The following DIAPH3 variants were observed in gnomAD, a reference collection of about 807,000 sequenced individuals.
DIAPH3 encodes diaphanous related formin 3.
Under a neutral mutation model 144.3 loss-of-function variants are expected in DIAPH3, and 117 were observed. The ratio of observed to expected loss-of-function variants is 0.81; its 90% CI spans 0.70 to 0.95. DIAPH3 has a LOEUF of 0.95. Among genes scored for constraint, DIAPH3 ranks in the 40% least tolerant of loss-of-function variants. The pLI is 0.00. For missense variants in DIAPH3, 1,421 were observed against 1,412.7 expected (o/e 1.01, Z -0.09); for synonymous variants, 519 against 488.9 (o/e 1.06, Z -0.81).
chr13:60,082,950 C>T (rs1251637559), intron 4 of DIAPH3, among the ~76,000 whole-genome samples: 2 of 152,090 alleles, frequency 1.3e-5, no homozygotes, highest in African/African-American at 2.4e-5. Flanking sequence ...CACATCCACA[C>T]ACGCTTTTTT....
chr13:59,921,370 T>C (rs1049397817), intron 18 of DIAPH3, among the ~76,000 whole-genome samples: 13 of 149,284 alleles, frequency 8.7e-5, no homozygotes, highest in African/African-American at 2.9e-4. Context: ...CTCAAATAAA[T>C]ATAGTCATAA....
intron 9 of DIAPH3, among the ~76,000 whole-genome samples, chr13:60,001,902 T>C (rs2052549017): frequency 6.6e-6 from 1 of 152,102 alleles, no homozygotes; most frequent in South Asian, 2.1e-4. Context: ...CAATGGGAAG[T>C]GGTAAAAAAT....
chr13:59,878,221 A>G (rs1398633404), intron 21 of DIAPH3, among the ~76,000 whole-genome samples: 1 of 152,154 alleles, frequency 6.6e-6, no homozygotes, highest in Non-Finnish European at 1.5e-5. Context: ...TGCATCGCCC[A>G]TGCTAGGGAT....
At chr13:60,097,291 G>A (rs573309050) in intron 3 of DIAPH3, among the ~76,000 whole-genome samples, 5 of 152,288 alleles carry the variant, frequency 3.3e-5, no homozygotes, top group East Asian at 1.9e-4. Context: ...TCTGGGTCAT[G>A]GGTGCAGCTC....
intron 27 of DIAPH3, among the ~76,000 whole-genome samples, chr13:59,669,065 A>C (rs1230677799): frequency 2.0e-5 from 3 of 152,116 alleles, no homozygotes; most frequent in Non-Finnish European, 4.4e-5. Flanking sequence ...AGAAATCTGA[A>C]AACCCTTTTG....
At chr13:59,780,607 T>TA (rs1330770390) in intron 25 of DIAPH3, among the ~76,000 whole-genome samples, 1 of 152,176 alleles carries the variant, frequency 6.6e-6, no homozygotes, top group Non-Finnish European at 1.5e-5. Context: ...AATGGTATTT[T>TA]AAAAAATTGC....
At chr13:59,963,149 T>C (rs552352190) in intron 17 of DIAPH3, among the ~76,000 whole-genome samples, 1 of 152,268 alleles carries the variant, frequency 6.6e-6, no homozygotes, top group African/African-American at 2.4e-5. Flanking sequence ...AAAGCTGTGG[T>C]TAACAAAAGG....
At position 59,980,796 on chromosome 13, in the gene DIAPH3, T is replaced by C; in HGVS notation, c.1544A>G (p.Lys515Arg). 6.2e-7 allele frequency: 1 copy of C among 1,608,828 alleles called. No individual in the cohort carries two copies. The highest frequency in any genetic ancestry group is 1.3e-5 in the African/African-American group (1 of 74,754). ...FEEKASELYKKFEKEFTDHQE... is the reference protein window; with the variant it reads ...FEEKASELYKRFEKEFTDHQE... Reference sequence around the variant, plus strand: ...ATAAAGTTAGTGAAAACTACTTACTTTCTTGTAAAGTTCTGATGCTTTCTC... The same window carrying C: ...ATAAAGTTAGTGAAAACTACTTACTCTCTTGTAAAGTTCTGATGCTTTCTC... The change falls in exon 14 of 28, where the codon AAA (lysine) becomes AGA (arginine). Residue 515 changes from lysine to arginine, a missense_variant and splice_region_variant. Transcript: ENST00000400324.
intron 24 of DIAPH3, among the ~76,000 whole-genome samples, chr13:59,824,197 A>G (rs2041241810): frequency 6.6e-6 from 1 of 152,208 alleles, no homozygotes; most frequent in East Asian, 1.9e-4. Flanking sequence ...CAATCCTATT[A>G]TAATGAGATT....
chr13:59,845,043 T>C (rs933245439), intron 22 of DIAPH3, among the ~76,000 whole-genome samples: 2 of 56,042 alleles, frequency 3.6e-5, no homozygotes, highest in South Asian at 7.3e-4. Context: ...ATTTTTTTCC[T>C]TTTTCCTTTT....
chr13:60,137,885 G>A (rs1206936792), intron 1 of DIAPH3, among the ~76,000 whole-genome samples: 4 of 151,574 alleles, frequency 2.6e-5, no homozygotes, highest in African/African-American at 7.3e-5. Context: ...CACCATGCCC[G>A]GCTAATTTTT....
intron 20 of DIAPH3, among the ~76,000 whole-genome samples, chr13:59,905,900 T>C (rs145477376): frequency 2.0e-3 from 298 of 152,322 alleles, no homozygotes; most frequent in Non-Finnish European, 3.7e-3. Context: ...TTTTGGACTA[T>C]TGATCTCCAG....
chr13:59,951,767 G>A (rs979288500), intron 17 of DIAPH3, among the ~76,000 whole-genome samples: 16 of 152,066 alleles, frequency 1.1e-4, no homozygotes, highest in Admixed American at 9.2e-4. Flanking sequence ...AAAATAACAA[G>A]TGTGGGCAAG....
chr13:59,833,334 T>C, intron 23 of DIAPH3, 63 bp from the exon 24 acceptor site: 1 of 1,328,896 alleles, frequency 7.5e-7, no homozygotes, highest in South Asian at 1.3e-5. Flanking sequence ...GGGGGAACTC[T>C]GTAAATCCAA....
At position 59,762,351 on chromosome 13, in the gene DIAPH3, C is replaced by T. The variant is rs1207112720; in HGVS notation, c.3319+11838G>A. Among the ~76,000 whole-genome samples, 4 of 152,020 alleles carry T rather than the reference C, an allele frequency of 2.6e-5. No individual in the cohort carries two copies. In the South Asian group the frequency reaches 6.2e-4, roughly 24 times the overall value. On this transcript the variant is annotated intron_variant, in intron 27 of 27. Coordinates refer to ENST00000400324, the MANE Select transcript of DIAPH3 (RefSeq NM_001042517.2). ...CTGGGATTACAGGCGTGAGCCACCGCGCCCGGCTGCTTCAGCATCTTTTAT... is the reference window on the plus strand; with the variant it reads ...CTGGGATTACAGGCGTGAGCCACCGTGCCCGGCTGCTTCAGCATCTTTTAT...
intron 27 of DIAPH3, among the ~76,000 whole-genome samples, chr13:59,751,255 C>G (rs574313672): frequency 6.6e-6 from 1 of 152,220 alleles, no homozygotes; most frequent in African/African-American, 2.4e-5. Context: ...AAGTATGGAA[C>G]AAAATAGCCA....
At chr13:59,999,177 A>G (rs555008091) in intron 9 of DIAPH3, among the ~76,000 whole-genome samples, 17 of 152,262 alleles carry the variant, frequency 1.1e-4, no homozygotes, top group Non-Finnish European at 2.2e-4. Context: ...TTTTAATGTG[A>G]GTATTCAATG....
intron 3 of DIAPH3, among the ~76,000 whole-genome samples, chr13:60,095,043 G>GTC (rs374084058): frequency 6.6e-6 from 1 of 151,818 alleles, no homozygotes; most frequent in African/African-American, 2.4e-5. Flanking sequence ...CATGTTAGTT[G>GTC]TCACAATAAT....
chr13:60,008,274 T>C (rs1174496069), intron 9 of DIAPH3, among the ~76,000 whole-genome samples: 6 of 152,044 alleles, frequency 3.9e-5, no homozygotes, highest in South Asian at 2.1e-4. Flanking sequence ...CAGGCGCCTG[T>C]AGTCCCAGCT....
Sources: allele counts gnomAD v4.1 joint callset (sites outside exome capture counted in the v4.1 genomes callset), GRCh38; gene constraint gnomAD v4.1.1; transcripts MANE v1.5; gene names NCBI Gene and HGNC (gene_info 2026-07-23, HGNC 2026-07-21).